Variants in DIPK1A observed in about 807,000 individuals in gnomAD.
The protein encoded by DIPK1A is divergent protein kinase domain 1A, also known as family with sequence similarity 69 member A.
Under a neutral mutation model 40.8 loss-of-function variants are expected in DIPK1A, and 27 were observed. The observed-to-expected ratio is 0.66, with a 90% CI of 0.49 to 0.91. The LOEUF (loss-of-function observed/expected upper bound fraction) is 0.91. Ranked by LOEUF, DIPK1A falls within the 40% of genes least tolerant of loss-of-function variation. The probability of loss-of-function intolerance (pLI) is 0.00; values close to 1 mark genes in which losing one functional copy is unlikely to be tolerated. For missense variants in DIPK1A, 412 were observed against 505.7 expected, an observed-to-expected ratio of 0.81 and a Z score of 1.78; for synonymous variants, 166 against 171.3, an observed-to-expected ratio of 0.97 and a Z score of 0.24.
intron 1 of DIPK1A, among the ~76,000 whole-genome samples, chr1:92,882,751 C>T (rs1183103665): frequency 1.3e-5 from 2 of 152,102 alleles, no homozygotes; most frequent in Non-Finnish European, 2.9e-5. Flanking sequence ...ATACTTTTCT[C>T]TTCAACTTCT....
At chr1:92,860,363 C>T (rs930354618) in intron 2 of DIPK1A, among the ~76,000 whole-genome samples, 3 of 151,960 alleles carry the variant, frequency 2.0e-5, no homozygotes, top group Non-Finnish European at 2.9e-5. Flanking sequence ...TAAGAGACCA[C>T]GTACTGAGAA....
At chr1:92,847,773 T>C (rs1167467614) in intron 3 of DIPK1A, among the ~76,000 whole-genome samples, 1 of 152,232 alleles carries the variant, frequency 6.6e-6, no homozygotes, top group African/African-American at 2.4e-5. Flanking sequence ...TCTTGCTTTG[T>C]CACCCAGGCT....
intron 1 of DIPK1A, among the ~76,000 whole-genome samples, chr1:92,937,269 T>G (rs756650842): frequency 2.0e-5 from 3 of 151,780 alleles, no homozygotes; most frequent in Non-Finnish European, 2.9e-5. Context: ...GAGACCAGCC[T>G]GGCCAACATG....
At chr1:92,939,186 G>GT (rs1437844474) in intron 1 of DIPK1A, among the ~76,000 whole-genome samples, 1 of 152,188 alleles carries the variant, frequency 6.6e-6, no homozygotes, top group Non-Finnish European at 1.5e-5. Flanking sequence ...ACAGGTGTGA[G>GT]TCACCACGCC....
At chr1:92,842,127 TA>T, downstream of DIPK1A, 2 of 939,056 alleles carry the variant, frequency 2.1e-6, no homozygotes, top group Non-Finnish European at 2.6e-6. Flanking sequence ...CAGCTCTCCC[TA>T]AAAATTTGGC....
chr1:92,949,884 T>C (rs1651560347), intron 1 of DIPK1A, among the ~76,000 whole-genome samples: 1 of 152,254 alleles, frequency 6.6e-6, no homozygotes, highest in African/African-American at 2.4e-5. Context: ...TGTATGCTGA[T>C]TCATTTCATT....
intron 2 of DIPK1A, among the ~76,000 whole-genome samples, chr1:92,864,253 G>T (rs1015668019): frequency 7.9e-5 from 12 of 152,136 alleles, no homozygotes; most frequent in Non-Finnish European, 7.3e-5. Flanking sequence ...TGAAAACATG[G>T]TTCCAAATAT....
chr1:92,856,026 G>A (rs769492586), intron 2 of DIPK1A, among the ~76,000 whole-genome samples: 2 of 152,108 alleles, frequency 1.3e-5, no homozygotes, highest in Non-Finnish European at 2.9e-5. Context: ...GCAGTGAAAT[G>A]TGATTGTGCC....
At chr1:92,922,789 T>C (rs894312645) in intron 1 of DIPK1A, among the ~76,000 whole-genome samples, 1 of 152,230 alleles carries the variant, frequency 6.6e-6, no homozygotes, top group African/African-American at 2.4e-5. Flanking sequence ...CCTTCGAGAA[T>C]GAAACAAAAT....
intron 1 of DIPK1A, among the ~76,000 whole-genome samples, chr1:92,891,735 G>A: frequency 6.6e-6 from 1 of 152,184 alleles, no homozygotes; most frequent in South Asian, 2.1e-4. Flanking sequence ...GAAGAGGAAG[G>A]GGTCAGGGAA....
intron 1 of DIPK1A, among the ~76,000 whole-genome samples, chr1:92,889,974 T>C (rs1648785879): frequency 6.6e-6 from 1 of 152,130 alleles, no homozygotes; most frequent in Non-Finnish European, 1.5e-5. Context: ...TTGTGTGTCC[T>C]CTTCAATTTC....
chr1:92,860,643 A>T (rs1256591413), intron 2 of DIPK1A, among the ~76,000 whole-genome samples: 1 of 8,000 alleles, frequency 1.3e-4, no homozygotes, highest in Non-Finnish European at 3.1e-4. Context: ...AAAAAAAAAA[A>T]AAATGGTGGT....
At chr1:92,857,699 A>G (rs1248444211) in intron 2 of DIPK1A, among the ~76,000 whole-genome samples, 1 of 152,124 alleles carries the variant, frequency 6.6e-6, no homozygotes, top group African/African-American at 2.4e-5. Context: ...AAATCTCCCT[A>G]TGGAATAGGT....
intron 2 of DIPK1A, among the ~76,000 whole-genome samples, chr1:92,863,392 AAG>A (rs1240370460): frequency 3.3e-5 from 5 of 152,172 alleles, no homozygotes; most frequent in Admixed American, 6.5e-5. Context: ...CACAAAATAT[AAG>A]AGAGTGTAGC....
At chr1:92,889,094 T>C (rs1480370617) in intron 1 of DIPK1A, among the ~76,000 whole-genome samples, 1 of 152,238 alleles carries the variant, frequency 6.6e-6, no homozygotes, top group African/African-American at 2.4e-5. Context: ...ACTACTGTCA[T>C]AAAGTGTTTC....
At chr1:92,926,842 G>A (rs1463103072) in intron 1 of DIPK1A, among the ~76,000 whole-genome samples, 2 of 152,178 alleles carry the variant, frequency 1.3e-5, no homozygotes, top group Non-Finnish European at 2.9e-5. Context: ...TGTTTGCACA[G>A]TATATCCTCT....
intron 1 of DIPK1A, among the ~76,000 whole-genome samples, chr1:92,929,382 CTTTT>C (rs1158208972): frequency 6.6e-6 from 1 of 152,192 alleles, no homozygotes; most frequent in African/African-American, 2.4e-5. Flanking sequence ...CCACGTGCTG[CTTTT>C]TCATTGCATT....
intron 1 of DIPK1A, among the ~76,000 whole-genome samples, chr1:92,949,990 A>G (rs1451073162): frequency 1.3e-5 from 2 of 152,226 alleles, no homozygotes; most frequent in African/African-American, 4.8e-5. Context: ...CTGGGATGGA[A>G]GAAGGATATG....
chr1:92,908,793 G>T (rs1278816325), intron 1 of DIPK1A, among the ~76,000 whole-genome samples: 1 of 152,088 alleles, frequency 6.6e-6, no homozygotes, highest in Non-Finnish European at 1.5e-5. Flanking sequence ...TCCAAAGAGG[G>T]GACAAAGGGG....
Sources: gnomAD v4.1 joint callset for allele counts (sites outside exome capture counted in the v4.1 genomes callset) on GRCh38, gnomAD v4.1.1 for gene constraint, MANE v1.5 for transcripts, NCBI Gene and HGNC (gene_info 2026-07-23, HGNC 2026-07-21) for gene names.